The following RETREG1 variants were observed in gnomAD, a reference collection of about 807,000 sequenced individuals.
RETREG1 encodes family with sequence similarity 134 member B.
In RETREG1, 44 loss-of-function variants were observed where a neutral mutation model predicts 54.8. That is an observed-to-expected ratio of 0.80 (90% CI 0.63 to 1.03). The LOEUF is 1.03. Among genes scored for constraint, RETREG1 ranks in the 50% least tolerant of loss-of-function variants. RETREG1 has a pLI of 0.00. For synonymous variants in RETREG1, 217 were observed against 238.5 expected, an observed-to-expected ratio of 0.91 and a Z score of 0.83; for missense variants, 554 against 605.1, an observed-to-expected ratio of 0.92 and a Z score of 0.89.
intron 1 of RETREG1, among the ~76,000 whole-genome samples, chr5:16,604,351 C>T (rs1743129595): frequency 6.6e-6 from 1 of 152,146 alleles, no homozygotes; most frequent in South Asian, 2.1e-4. Context: ...TGATACCTTG[C>T]AGTGTGGTGT....
rs567232051 is a variant in RETREG1, at chr5:16,495,286, G to T, written c.459-11814C>A. 1.1e-4 allele frequency among the ~76,000 whole-genome samples: 16 copies of T among 152,284 alleles called. No homozygotes were observed. The South Asian group carries it at 1.5e-3, about 14-fold the overall frequency. On this transcript the variant is annotated intron_variant, in intron 3 of 8. Transcript: ENST00000306320. ...CCTGGCCATGTGGTAGAAAAGAAAAGCCCATTTTTAGGGGAGGAATTCAAG... is the reference window on the plus strand; with the variant it reads ...CCTGGCCATGTGGTAGAAAAGAAAATCCCATTTTTAGGGGAGGAATTCAAG...
chr5:16,607,859 C>T (rs1286061778), intron 1 of RETREG1, among the ~76,000 whole-genome samples: 1 of 151,502 alleles, frequency 6.6e-6, no homozygotes, highest in Non-Finnish European at 1.5e-5. Context: ...CCTCCCCTCC[C>T]CTCCACTCTC....
At chr5:16,544,671 G>A (rs1440066951) in intron 3 of RETREG1, among the ~76,000 whole-genome samples, 1 of 152,198 alleles carries the variant, frequency 6.6e-6, no homozygotes, top group Non-Finnish European at 1.5e-5. Context: ...TAGTTGGAAA[G>A]GTGATCCATC....
rs369282699 is a variant in RETREG1, at chr5:16,508,161, C to T, written c.459-24689G>A. Among the ~76,000 whole-genome samples the T allele has an allele frequency of 2.2e-4, 34 of 152,294 alleles. No homozygotes were observed. In the South Asian group the frequency reaches 6.6e-3, roughly 30 times the overall value. On this transcript the variant is annotated intron_variant, in intron 3 of 8. Transcript: ENST00000306320. ...TACAATATCAAAATGGTATATTGGTCCAATGTTTAAACTGTGGAAATGCTT... is the reference window on the plus strand; with the variant it reads ...TACAATATCAAAATGGTATATTGGTTCAATGTTTAAACTGTGGAAATGCTT...
chr5:16,512,150 T>C (rs1740197448), intron 3 of RETREG1, among the ~76,000 whole-genome samples: 1 of 152,208 alleles, frequency 6.6e-6, no homozygotes. Flanking sequence ...ACCTGAAACC[T>C]ACTAGACATC....
chr5:16,562,448 T>A (rs1210054909), intron 3 of RETREG1, among the ~76,000 whole-genome samples: 1 of 152,148 alleles, frequency 6.6e-6, no homozygotes, highest in Non-Finnish European at 1.5e-5. Flanking sequence ...AGGGCCTGTG[T>A]GCCTTAAGGG....
chr5:16,531,841 T>C (rs1181298777), intron 3 of RETREG1, among the ~76,000 whole-genome samples: 1 of 152,180 alleles, frequency 6.6e-6, no homozygotes, highest in East Asian at 1.9e-4. Flanking sequence ...GGCTGCTCTT[T>C]CTCAACACAA....
At chr5:16,529,588 T>C (rs536394600) in intron 3 of RETREG1, among the ~76,000 whole-genome samples, 24 of 152,190 alleles carry the variant, frequency 1.6e-4, no homozygotes, top group Non-Finnish European at 3.1e-4. Context: ...AGAAACACTG[T>C]TTTCATATGT....
intron 3 of RETREG1, among the ~76,000 whole-genome samples, chr5:16,523,233 T>G (rs1740593299): frequency 6.6e-6 from 1 of 152,176 alleles, no homozygotes; most frequent in South Asian, 2.1e-4. Context: ...GCTTGTACTT[T>G]GCTAGGTTTT....
chr5:16,475,288 A>C, intron 8 of RETREG1, 54 bp from the exon 9 acceptor site: 1 of 1,591,234 alleles, frequency 6.3e-7, no homozygotes, highest in Non-Finnish European at 8.5e-7. Flanking sequence ...AATTTCAAAT[A>C]AAAGTGCTGT....
intron 3 of RETREG1, among the ~76,000 whole-genome samples, chr5:16,551,946 C>T (rs987027944): frequency 6.6e-6 from 1 of 152,132 alleles, no homozygotes; most frequent in African/African-American, 2.4e-5. Context: ...CCTGCAGCCT[C>T]GCATTGTCTC....
At position 16,616,858 on chromosome 5, in the gene RETREG1, C is replaced by A; in HGVS notation, c.114G>T (p.Gln38His). Reference protein sequence around the residue: ...PPPQASPAERQQQEEEAQEAG... With the variant: ...PPPQASPAERHQQEEEAQEAG... ...CTTCCTGCGCTTCCTCCTCCTGCTGCTGCCGCTCTGCGGGGGATGCCTGGG... is the reference window on the plus strand; with the variant it reads ...CTTCCTGCGCTTCCTCCTCCTGCTGATGCCGCTCTGCGGGGGATGCCTGGG... The change falls in exon 1 of 9, where the codon CAG (glutamine) becomes CAT (histidine). Residue 38 changes from glutamine to histidine, a missense_variant. Coordinates refer to ENST00000306320, the MANE Select transcript of RETREG1 (RefSeq NM_001034850.3). 1 of 1,509,238 alleles carries A rather than the reference C, an allele frequency of 6.6e-7. No individual in the cohort carries two copies. The highest frequency in any genetic ancestry group is 2.1e-4 in the Middle Eastern group (1 of 4,664). 93.5% of individuals were successfully genotyped at this position (1,509,238 alleles called of 1,614,324 possible). A position where few individuals can be genotyped will look rare whatever the true frequency, so the allele number is the denominator to read the frequency against.
chr5:16,597,752 T>G lies in RETREG1; in HGVS notation c.320+18900A>C, dbSNP rs1431878235. Among the ~76,000 whole-genome samples the G allele has an allele frequency of 6.6e-6, 1 of 152,162 alleles. No individual in the cohort carries two copies. The highest frequency in any genetic ancestry group is 1.5e-5 in the Non-Finnish European group (1 of 68,026). ...CCCTCCTCACTGCCCCTCAAGTGCTTTCTACAAAGAACCAATCACATCAGT... is the reference window on the plus strand; with the variant it reads ...CCCTCCTCACTGCCCCTCAAGTGCTGTCTACAAAGAACCAATCACATCAGT... On this transcript the variant is annotated intron_variant, in intron 1 of 8. Coordinates refer to ENST00000306320, the MANE Select transcript of RETREG1 (RefSeq NM_001034850.3). This position sits in a 1 kb window ranked among gnomAD's most constrained non-coding sequence, Gnocchi z 4.3.
chr5:16,537,786 G>C (rs1262626186), intron 3 of RETREG1, among the ~76,000 whole-genome samples: 13 of 125,116 alleles, frequency 1.0e-4, no homozygotes, highest in Admixed American at 9.5e-4. Context: ...GCAGCATGCA[G>C]CATGCAGCAC....
chr5:16,614,418 A>G (rs187403689), intron 1 of RETREG1, among the ~76,000 whole-genome samples: 2 of 152,388 alleles, frequency 1.3e-5, no homozygotes, highest in African/African-American at 4.8e-5. Context: ...TCTTAAACAT[A>G]AGATAAAATG....
chr5:16,490,838 C>A lies in RETREG1; in HGVS notation c.459-7366G>T, dbSNP rs149745293. 1.7e-4 allele frequency among the ~76,000 whole-genome samples: 26 copies of A among 152,238 alleles called. No individual in the cohort carries two copies. In the East Asian group the frequency reaches 4.6e-3, roughly 27 times the overall value. On this transcript the variant is annotated intron_variant, in intron 3 of 8. Coordinates refer to ENST00000306320, the MANE Select transcript of RETREG1 (RefSeq NM_001034850.3). ...AGTAGGGAAGCACATTAGGGCAGTG[C>A]CACAGGCAGGATTATGGATCCCTAA...
intron 3 of RETREG1, among the ~76,000 whole-genome samples, chr5:16,486,255 C>T (rs1417170164): frequency 1.3e-5 from 2 of 151,868 alleles, no homozygotes; most frequent in African/African-American, 4.8e-5. Context: ...AAAATTTAAT[C>T]GAAATATATA....
intron 2 of RETREG1, 108 bp downstream of exon 2, chr5:16,571,888 T>C (rs1465600441): frequency 3.9e-6 from 3 of 772,828 alleles, no homozygotes; most frequent in Admixed American, 2.1e-5. Flanking sequence ...TCAATGCCTA[T>C]ATTTGCTTCT....
chr5:16,591,572 T>G (rs928683319), intron 1 of RETREG1, among the ~76,000 whole-genome samples: 2 of 152,152 alleles, frequency 1.3e-5, no homozygotes, highest in African/African-American at 2.4e-5. Context: ...ATTTACCAAT[T>G]CACATGGCTT....
Sources: allele counts gnomAD v4.1 joint callset (sites outside exome capture counted in the v4.1 genomes callset), GRCh38; gene constraint gnomAD v4.1.1; non-coding constraint Gnocchi (gnomAD v3.1); transcripts MANE v1.5; gene names NCBI Gene and HGNC (gene_info 2026-07-23, HGNC 2026-07-21).